ME2: variants seen among roughly 807,000 people sequenced by gnomAD.
ME2 encodes the protein malic enzyme 2.
In ME2, 60 loss-of-function variants were observed where a neutral mutation model predicts 73.7. The ratio of observed to expected loss-of-function variants is 0.81; its 90% CI spans 0.66 to 1.01. The LOEUF is 1.01. Ranked by LOEUF, ME2 falls within the 50% of genes least tolerant of loss-of-function variation. ME2 has a pLI of 0.00. For synonymous variants in ME2, 199 were observed against 236.9 expected, an observed-to-expected ratio of 0.84 and a Z score of 1.47; for missense variants, 594 against 705.5, an observed-to-expected ratio of 0.84 and a Z score of 1.79.
chr18:50,944,502 G>C (rs1010557983), intron 15 of ME2, among the ~76,000 whole-genome samples: 1 of 152,182 alleles, frequency 6.6e-6, no homozygotes, highest in Non-Finnish European at 1.5e-5. Context: ...GCAGGGCTGT[G>C]TGTGCTCCTC....
intron 13 of ME2, among the ~76,000 whole-genome samples, chr18:50,937,551 A>C (rs529597064): frequency 1.3e-4 from 20 of 152,216 alleles, no homozygotes; most frequent in Non-Finnish European, 2.8e-4. Flanking sequence ...TTCATAAAAG[A>C]GACCAAAGCA....
At chr18:50,944,874 CT>C (rs1470047356) in intron 15 of ME2, among the ~76,000 whole-genome samples, 1 of 151,980 alleles carries the variant, frequency 6.6e-6, no homozygotes, top group Admixed American at 6.6e-5. Context: ...GTTAATTATG[CT>C]GCTCACTGGC....
At chr18:50,913,860 T>TATATACACACACACACAC (rs112137080) in intron 4 of ME2, among the ~76,000 whole-genome samples, 49 of 143,282 alleles carry the variant, frequency 3.4e-4, no homozygotes, top group African/African-American at 5.0e-4. Flanking sequence ...AGCAATATTA[T>TATATACACACACACACAC]ACACACACAC....
chr18:50,942,862 A>G (rs1479585634), intron 15 of ME2: 8 of 234,664 alleles, frequency 3.4e-5, no homozygotes, highest in Non-Finnish European at 4.8e-5. Context: ...ATTGTCTGCA[A>G]GTAATTTTTT....
At chr18:50,886,031 T>C (rs9947907) in intron 1 of ME2, among the ~76,000 whole-genome samples, 3,076 of 152,222 alleles carry the variant, frequency 0.02, 95 homozygotes, top group African/African-American at 0.069. Context: ...TTTCTTCTTT[T>C]AGATTGTACA....
Position 50,912,982 on chromosome 18 carries a change from G to A in ME2, c.392+32G>A, listed in dbSNP as rs1033399382. On this transcript the variant is annotated intron_variant, in intron 4 of 15. Coordinates refer to ENST00000321341, the MANE Select transcript of ME2 (RefSeq NM_002396.5). ...CTTGTTTAAAAAAAAGCTTGTAAAT[G>A]ATTATTGAATAAGGAAAATATCATT... 3 of 1,542,772 alleles carry A rather than the reference G, an allele frequency of 1.9e-6. No individual in the cohort carries two copies. The African/African-American group carries it at 4.2e-5, about 22-fold the overall frequency.
chr18:50,897,859 C>CA (rs962608319), intron 2 of ME2, among the ~76,000 whole-genome samples: 1,797 of 125,622 alleles, frequency 0.014, 37 homozygotes, highest in African/African-American at 0.053. Context: ...AACTCCATCT[C>CA]AAAAAAAAAA....
In ME2 at chr18:50,949,711, T is replaced by A. The variant is rs908895330; in HGVS notation, c.*2527T>A. On this transcript the variant is annotated 3_prime_UTR_variant, in exon 16 of 16. Coordinates refer to ENST00000321341, the MANE Select transcript of ME2 (RefSeq NM_002396.5). ...TTAAGTATGCCTGGTACAGTCTTCA[T>A]GGAAGTTATTAAGTATTTTAAGGAA... 1.5e-4 allele frequency: 23 copies of A among 152,348 alleles called. No individual in the cohort carries two copies. Among genetic ancestry groups the A allele is most frequent in the African/African-American group, 4.1e-4 (17 of 41,576 alleles). The allele number at this position is 152,348 out of a possible 1,614,324, so 9.4% of individuals were successfully genotyped here.
At chr18:50,904,206 TC>T (rs1347437563) in intron 2 of ME2, among the ~76,000 whole-genome samples, 1 of 152,188 alleles carries the variant, frequency 6.6e-6, no homozygotes, top group Non-Finnish European at 1.5e-5. Flanking sequence ...TATATCTTTT[TC>T]CATCCTTTTA....
At chr18:50,898,621 T>C (rs613245) in intron 2 of ME2, among the ~76,000 whole-genome samples, 103,827 of 151,884 alleles carry the variant, frequency 0.68, 35,918 homozygotes, top group African/African-American at 0.79. Flanking sequence ...TTTGTAGAGA[T>C]GAGGTCTTGC....
intron 3 of ME2, among the ~76,000 whole-genome samples, chr18:50,909,166 A>G (rs541202890): frequency 1.6e-4 from 23 of 144,894 alleles, no homozygotes; most frequent in Admixed American, 9.0e-4. Context: ...TATTGCCCAT[A>G]TTGCCCAGGC....
intron 4 of ME2, chr18:50,915,597 G>A (rs1359778166): frequency 6.6e-6 from 1 of 152,220 alleles, no homozygotes; most frequent in Non-Finnish European, 1.5e-5. Context: ...AAAATCATAT[G>A]TAAATTTTTG....
intron 7 of ME2, among the ~76,000 whole-genome samples, chr18:50,918,928 C>G (rs1286750967): frequency 6.6e-6 from 1 of 152,182 alleles, no homozygotes; most frequent in Non-Finnish European, 1.5e-5. Context: ...ATTCATATCC[C>G]ACACTGAACT....
At chr18:50,899,858 C>G (rs1007754390) in intron 2 of ME2, among the ~76,000 whole-genome samples, 1 of 152,206 alleles carries the variant, frequency 6.6e-6, no homozygotes, top group Non-Finnish European at 1.5e-5. Flanking sequence ...TCTTACCCCA[C>G]AGTACTTAGC....
intron 1 of ME2, among the ~76,000 whole-genome samples, chr18:50,884,662 TAGG>T (rs1916411555): frequency 1.3e-5 from 2 of 151,608 alleles, no homozygotes; most frequent in Admixed American, 1.3e-4. Flanking sequence ...CATTATTTGA[TAGG>T]AGCAAGATTT....
chr18:50,933,342 C>G (rs1340705499), intron 13 of ME2: 1 of 152,202 alleles, frequency 6.6e-6, no homozygotes, highest in Admixed American at 6.5e-5. Context: ...ACAGCAGGCT[C>G]TAATTAAGAT....
At chr18:50,937,928 C>T (rs180755365) in intron 13 of ME2, among the ~76,000 whole-genome samples, 2 of 152,242 alleles carry the variant, frequency 1.3e-5, no homozygotes, top group South Asian at 2.1e-4. Context: ...CTGAAAGACT[C>T]GTGTTTTCAG....
intron 2 of ME2, among the ~76,000 whole-genome samples, chr18:50,905,615 A>G (rs763902540): frequency 6.6e-6 from 1 of 152,156 alleles, no homozygotes; most frequent in African/African-American, 2.4e-5. Context: ...TAAGATACAC[A>G]TTGGTTCAGT....
chr18:50,923,509 C>T (rs1012678401), intron 10 of ME2, among the ~76,000 whole-genome samples: 1 of 151,952 alleles, frequency 6.6e-6, no homozygotes, highest in South Asian at 2.1e-4. Flanking sequence ...GGCTCAGCTT[C>T]CCACTTTGGG....
Sources: gnomAD v4.1 joint callset for allele counts (sites outside exome capture counted in the v4.1 genomes callset) on GRCh38, gnomAD v4.1.1 for gene constraint, MANE v1.5 for transcripts, NCBI Gene and HGNC (gene_info 2026-07-23, HGNC 2026-07-21) for gene names.